ARHGEF3: variants seen among roughly 807,000 people sequenced by gnomAD.
ARHGEF3 encodes the protein 59.8 kDA protein.
Under a neutral mutation model 63.2 loss-of-function variants are expected in ARHGEF3, and 28 were observed. The ratio of observed to expected loss-of-function variants is 0.44; its 90% CI spans 0.33 to 0.61. ARHGEF3 has a LOEUF of 0.61. Ranked by LOEUF, ARHGEF3 falls within the 20% of genes least tolerant of loss-of-function variation. The pLI is 0.03. For synonymous variants in ARHGEF3, 266 were observed against 254.2 expected, an observed-to-expected ratio of 1.05 and a Z score of -0.44; for missense variants, 533 against 659.3, an observed-to-expected ratio of 0.81 and a Z score of 2.10.
intron 2 of ARHGEF3, among the ~76,000 whole-genome samples, chr3:57,033,205 A>G (rs1250844638): frequency 1.3e-5 from 2 of 152,204 alleles, no homozygotes; most frequent in African/African-American, 2.4e-5. Flanking sequence ...CAGACCTTAC[A>G]GGCATACACA....
At position 57,074,207 on chromosome 3, in the gene ARHGEF3, C is replaced by G. The variant is rs559373522; in HGVS notation, c.-28+5019G>C. ...CAAACCAACTGACATTTACTGAGGG[C>G]TGCTTTGTCAGGTCCCTCTCTACAG... On this transcript the variant is annotated intron_variant, in intron 1 of 12. Transcript: ENST00000338458. 2.5e-6 allele frequency: 4 copies of G among 1,614,128 alleles called. No homozygotes were observed. The South Asian group carries it at 4.4e-5, about 18-fold the overall frequency.
intron 8 of ARHGEF3, among the ~76,000 whole-genome samples, chr3:56,735,347 T>C (rs888672529): frequency 1.3e-5 from 2 of 152,224 alleles, no homozygotes; most frequent in African/African-American, 2.4e-5. Context: ...TAATTTCTCT[T>C]ATTGGTCTCA....
chr3:57,018,060 G>C (rs7631131), intron 2 of ARHGEF3, among the ~76,000 whole-genome samples: 99,737 of 152,000 alleles, frequency 0.66, 33,140 homozygotes, highest in African/African-American at 0.75. Context: ...AGGTGGATCA[G>C]TTGAGGTCAG....
intron 2 of ARHGEF3, among the ~76,000 whole-genome samples, chr3:56,969,051 C>T (rs890699455): frequency 5.9e-5 from 9 of 152,134 alleles, no homozygotes; most frequent in African/African-American, 1.9e-4. Context: ...AATTCAGAAA[C>T]GCTAAAAGGA....
intron 2 of ARHGEF3, among the ~76,000 whole-genome samples, chr3:56,771,758 G>C (rs1369678455): frequency 6.6e-6 from 1 of 152,238 alleles, no homozygotes; most frequent in Non-Finnish European, 1.5e-5. Flanking sequence ...AGGGTGGACT[G>C]TCCTGGGAGC....
intron 1 of ARHGEF3, chr3:57,073,904 G>A: frequency 6.2e-7 from 1 of 1,614,202 alleles, no homozygotes; most frequent in Non-Finnish European, 8.5e-7. Context: ...TCCCAGAGCT[G>A]ACATTTCAGG....
At chr3:56,891,502 A>C (rs2041119551) in intron 3 of ARHGEF3, among the ~76,000 whole-genome samples, 1 of 152,164 alleles carries the variant, frequency 6.6e-6, no homozygotes, top group Non-Finnish European at 1.5e-5. Context: ...AATTTTAACA[A>C]ATATAATATG....
intron 2 of ARHGEF3, among the ~76,000 whole-genome samples, chr3:56,995,385 T>TA (rs1264535630): frequency 6.6e-6 from 1 of 151,788 alleles, no homozygotes. Context: ...TGTGAAATGC[T>TA]AAAAAAAAGA....
chr3:57,024,614 A>T (rs1486229358), intron 2 of ARHGEF3, among the ~76,000 whole-genome samples: 4 of 152,114 alleles, frequency 2.6e-5, no homozygotes, highest in African/African-American at 9.7e-5. Flanking sequence ...CAGCCTCCCA[A>T]GTAGCTGGGA....
At chr3:56,848,423 T>G (rs1321831742) in intron 4 of ARHGEF3, among the ~76,000 whole-genome samples, 2 of 152,332 alleles carry the variant, frequency 1.3e-5, no homozygotes, top group Non-Finnish European at 2.9e-5. Context: ...TCTCCCCAAC[T>G]GTACAATGGC....
intron 2 of ARHGEF3, among the ~76,000 whole-genome samples, chr3:56,991,826 G>A (rs1701756203): frequency 6.6e-6 from 1 of 152,098 alleles, no homozygotes; most frequent in Non-Finnish European, 1.5e-5. Context: ...TGTTGGCCAG[G>A]CTGGTCTCAA....
intron 3 of ARHGEF3, among the ~76,000 whole-genome samples, chr3:56,954,933 C>T (rs1310958674): frequency 3.3e-5 from 5 of 152,110 alleles, no homozygotes; most frequent in African/African-American, 1.2e-4. Flanking sequence ...GACGGGGGTG[C>T]AATACAACTC....
chr3:56,870,098 ATTGT>A (rs1311232653), intron 4 of ARHGEF3, among the ~76,000 whole-genome samples: 1 of 152,164 alleles, frequency 6.6e-6, no homozygotes, highest in Admixed American at 6.5e-5. Flanking sequence ...AGAGATAGTC[ATTGT>A]TTGTTATTGG....
chr3:56,895,940 A>G (rs1310607001), intron 3 of ARHGEF3, among the ~76,000 whole-genome samples: 1 of 152,184 alleles, frequency 6.6e-6, no homozygotes, highest in African/African-American at 2.4e-5. Flanking sequence ...TTCTGAAATT[A>G]TCTTCTTAGG....
At chr3:56,755,452 G>A (rs2035015247) in intron 2 of ARHGEF3, among the ~76,000 whole-genome samples, 1 of 152,194 alleles carries the variant, frequency 6.6e-6, no homozygotes, top group South Asian at 2.1e-4. Flanking sequence ...TTGGATACGT[G>A]ATGAGCTCTA....
chr3:56,849,329 T>A (rs1285514361), intron 4 of ARHGEF3, among the ~76,000 whole-genome samples: 1 of 152,032 alleles, frequency 6.6e-6, no homozygotes, highest in Non-Finnish European at 1.5e-5. Flanking sequence ...TTTGATGAGG[T>A]TTTTTCCAGG....
intron 4 of ARHGEF3, among the ~76,000 whole-genome samples, chr3:56,838,969 C>CAAAAATAAA (rs2039216932): frequency 6.6e-6 from 1 of 151,200 alleles, no homozygotes; most frequent in Non-Finnish European, 1.5e-5. Context: ...CCTATCTCTA[C>CAAAAATAAA]AAAAATAAAA....
chr3:56,777,180 C>T (rs578226984), intron 1 of ARHGEF3, among the ~76,000 whole-genome samples: 7 of 152,232 alleles, frequency 4.6e-5, no homozygotes, highest in African/African-American at 1.2e-4. Flanking sequence ...CCCTTTAACA[C>T]GCAGAGAAAG....
chr3:57,074,653 A>G (rs1706126816), intron 1 of ARHGEF3: 18 of 202,542 alleles, frequency 8.9e-5, no homozygotes. Context: ...GTTTCTATCA[A>G]AGCCTGCTAA....
Sources: allele counts gnomAD v4.1 joint callset (sites outside exome capture counted in the v4.1 genomes callset), GRCh38; gene constraint gnomAD v4.1.1; transcripts MANE v1.5; gene names NCBI Gene and HGNC (gene_info 2026-07-23, HGNC 2026-07-21).